TAFA1: variants seen among roughly 807,000 people sequenced by gnomAD.
TAFA1 encodes TAFA chemokine like family member 1, also known as chemokine-like protein TAFA-1.
In TAFA1, 4 loss-of-function variants were observed where a neutral mutation model predicts 18.5. The observed-to-expected ratio is 0.22, with a 90% CI of 0.11 to 0.49. TAFA1 has a LOEUF of 0.49. Ranked by LOEUF, TAFA1 falls within the 20% of genes least tolerant of loss-of-function variation. The pLI, the probability that TAFA1 is intolerant of heterozygous loss-of-function variation, is 0.98. For missense variants in TAFA1, 147 were observed against 169.0 expected (o/e 0.87, Z 0.72); for synonymous variants, 56 against 55.2 (o/e 1.01, Z -0.06).
intron 2 of TAFA1, among the ~76,000 whole-genome samples, chr3:68,010,999 A>G (rs1704459671): frequency 6.6e-6 from 1 of 152,220 alleles, no homozygotes; most frequent in Admixed American, 6.5e-5. Context: ...TTTTTTGTGT[A>G]ACAGGTAAAA....
chr3:68,366,138 C>T (rs1050121470), intron 2 of TAFA1, among the ~76,000 whole-genome samples: 1 of 150,750 alleles, frequency 6.6e-6, no homozygotes, highest in Non-Finnish European at 1.5e-5. Context: ...TTATTCACTA[C>T]CATGAAAACC....
intron 2 of TAFA1, among the ~76,000 whole-genome samples, chr3:68,252,278 C>T (rs2067211602): frequency 2.0e-5 from 3 of 152,182 alleles, no homozygotes; most frequent in Admixed American, 1.3e-4. Flanking sequence ...TCTGCTCTCA[C>T]TTCCCAGGAT....
At chr3:68,458,916 G>A (rs545251397) in intron 3 of TAFA1, among the ~76,000 whole-genome samples, 7 of 152,138 alleles carry the variant, frequency 4.6e-5, no homozygotes, top group South Asian at 4.1e-4. Context: ...ATTTACTTTC[G>A]GGAGGTTTAT....
At chr3:68,486,451 T>C (rs1575913456) in intron 3 of TAFA1, among the ~76,000 whole-genome samples, 1 of 152,318 alleles carries the variant, frequency 6.6e-6, no homozygotes, top group East Asian at 1.9e-4. Flanking sequence ...ATCTGTACCA[T>C]GCCTCCAACA....
chr3:68,220,263 T>A (rs927902422), intron 2 of TAFA1, among the ~76,000 whole-genome samples: 2 of 152,148 alleles, frequency 1.3e-5, no homozygotes, highest in African/African-American at 4.8e-5. Context: ...ATATAAAGAT[T>A]GTCTGCAAAA....
intron 2 of TAFA1, among the ~76,000 whole-genome samples, chr3:68,113,691 A>G (rs1040936847): frequency 1.3e-5 from 2 of 152,138 alleles, no homozygotes; most frequent in African/African-American, 4.8e-5. Context: ...GGTTCCTACA[A>G]AGTATTAAGA....
chr3:68,025,817 A>G (rs1005926939), intron 2 of TAFA1, among the ~76,000 whole-genome samples: 2 of 151,890 alleles, frequency 1.3e-5, no homozygotes, highest in African/African-American at 4.8e-5. Context: ...ATTGATTTTA[A>G]TTTCACCCTC....
intron 2 of TAFA1, among the ~76,000 whole-genome samples, chr3:68,404,451 T>G (rs892981449): frequency 6.6e-6 from 1 of 152,112 alleles, no homozygotes; most frequent in African/African-American, 2.4e-5. Context: ...GGTCCATAGA[T>G]GAAAGTAAAA....
intron 2 of TAFA1, among the ~76,000 whole-genome samples, chr3:68,263,881 A>C (rs974507904): frequency 6.6e-6 from 1 of 152,176 alleles, no homozygotes; most frequent in Admixed American, 6.5e-5. Context: ...GAAATTATTC[A>C]TTTACTTTAA....
chr3:68,145,313 C>T lies in TAFA1; in HGVS notation c.118+138569C>T, dbSNP rs780944748. ...TCATCAGTGGTCTGAGACAGTCCAG[C>T]CAATTATGGAAGCACTTAGAGATGC... is the stretch of plus-strand genomic sequence containing the variant. On this transcript the variant is annotated intron_variant, in intron 2 of 4. Coordinates refer to ENST00000478136, the MANE Select transcript of TAFA1 (RefSeq NM_213609.4). 6.3e-6 allele frequency: 5 copies of T among 791,880 alleles called. No homozygotes were observed. The Admixed American group carries it at 8.5e-5, about 13-fold the overall frequency. 49.1% of individuals were successfully genotyped at this position (791,880 alleles called of 1,614,324 possible).
intron 2 of TAFA1, among the ~76,000 whole-genome samples, chr3:68,154,700 T>A (rs1486241014): frequency 6.6e-6 from 1 of 152,174 alleles, no homozygotes; most frequent in Non-Finnish European, 1.5e-5. Context: ...CATGTGACTT[T>A]CCCTGTTCTG....
At chr3:68,194,697 G>C (rs998982779) in intron 2 of TAFA1, among the ~76,000 whole-genome samples, 7 of 151,674 alleles carry the variant, frequency 4.6e-5, no homozygotes, top group Admixed American at 4.6e-4. Flanking sequence ...GTGGTACTTT[G>C]TTATGGCAGC....
At chr3:68,225,281 C>T (rs1397591988) in intron 2 of TAFA1, among the ~76,000 whole-genome samples, 1 of 152,058 alleles carries the variant, frequency 6.6e-6, no homozygotes, top group African/African-American at 2.4e-5. Flanking sequence ...ACTCTCATGT[C>T]AAGAGGAGAC....
At chr3:68,491,090 C>T (rs541377842) in intron 3 of TAFA1, among the ~76,000 whole-genome samples, 1 of 152,092 alleles carries the variant, frequency 6.6e-6, no homozygotes, top group Non-Finnish European at 1.5e-5. Flanking sequence ...CCTCCTGCCT[C>T]GGCCTTCTAA....
At position 68,249,430 on chromosome 3, in the gene TAFA1, G is replaced by A. The variant is rs556652000; in HGVS notation, c.119-167850G>A. 2.0e-5 allele frequency among the ~76,000 whole-genome samples: 3 copies of A among 152,232 alleles called. No individual in the cohort carries two copies. The South Asian group carries it at 6.2e-4, about 32-fold the overall frequency. Reference sequence around the variant, plus strand: ...CTCTGACAACTCAGTCTCAGTACCTGGTTTGAGTCATAAGGCGTCACTGAC... The same window carrying A: ...CTCTGACAACTCAGTCTCAGTACCTAGTTTGAGTCATAAGGCGTCACTGAC... On this transcript the variant is annotated intron_variant, in intron 2 of 4. Coordinates refer to ENST00000478136, the MANE Select transcript of TAFA1 (RefSeq NM_213609.4).
At chr3:68,019,792 C>T (rs1158966008) in intron 2 of TAFA1, among the ~76,000 whole-genome samples, 1 of 151,774 alleles carries the variant, frequency 6.6e-6, no homozygotes, top group Non-Finnish European at 1.5e-5. Flanking sequence ...ACAACGAAAA[C>T]AACACCCCTG....
At chr3:68,534,780 G>A (rs575537118) in intron 3 of TAFA1, among the ~76,000 whole-genome samples, 5 of 152,034 alleles carry the variant, frequency 3.3e-5, no homozygotes, top group African/African-American at 1.2e-4. Context: ...TAATGCTTAA[G>A]ACAAAAGGAA....
chr3:68,159,943 G>T (rs1367206662), intron 2 of TAFA1, among the ~76,000 whole-genome samples: 5 of 152,280 alleles, frequency 3.3e-5, no homozygotes. Flanking sequence ...CTTCCCCTTA[G>T]CTAGCTTTGG....
intron 2 of TAFA1, among the ~76,000 whole-genome samples, chr3:68,050,180 G>T (rs2064449853): frequency 6.6e-6 from 1 of 152,126 alleles, no homozygotes; most frequent in Non-Finnish European, 1.5e-5. Flanking sequence ...AACATAGATT[G>T]GGAAGTGAGG....
Sources: allele counts gnomAD v4.1 joint callset (sites outside exome capture counted in the v4.1 genomes callset), GRCh38; gene constraint gnomAD v4.1.1; transcripts MANE v1.5; gene names NCBI Gene and HGNC (gene_info 2026-07-23, HGNC 2026-07-21).